SPAG9: variants seen among roughly 807,000 people sequenced by gnomAD.
SPAG9 encodes sperm associated antigen 9, also known as C-Jun-amino-terminal kinase-interacting protein 4.
A neutral mutation model predicts 166.5 loss-of-function variants in SPAG9; 35 were observed. The ratio of observed to expected loss-of-function variants is 0.21; its 90% CI spans 0.16 to 0.28. SPAG9 has a LOEUF of 0.28. Among genes scored for constraint, SPAG9 ranks in the 10% least tolerant of loss-of-function variants. SPAG9 has a pLI of 1.00. For synonymous variants in SPAG9, 534 were observed against 565.5 expected (o/e 0.94, Z 0.79); for missense variants, 1,235 against 1,603.3 (o/e 0.77, Z 3.92).
Position 51,072,218 on chromosome 17 carries a change from T to C in SPAG9, c.424+7366A>G, listed in dbSNP as rs200741076. Among the ~76,000 whole-genome samples, 162 of 102,412 alleles carry C rather than the reference T, an allele frequency of 1.6e-3. No homozygotes were observed. In the East Asian group the frequency reaches 0.027, roughly 17 times the overall value. 67.2% of individuals were successfully genotyped at this position (102,412 alleles called of 152,430 possible). The stretch of plus-strand genomic sequence containing the variant: ...TTCCAAGTAGGTGGGATTACAGGCA[T>C]GCGCCACCACACCTGGCTAATTTTT... On this transcript the variant is annotated intron_variant, in intron 2 of 29. Coordinates refer to ENST00000262013, the MANE Select transcript of SPAG9 (RefSeq NM_001130528.3).
At chr17:51,047,024 A>G in intron 4 of SPAG9, 1 of 1,085,342 alleles carries the variant, frequency 9.2e-7, no homozygotes, top group South Asian at 1.7e-5. Context: ...CCTTTCAAAC[A>G]TGCCTCTCTG....
At chr17:51,056,901 T>G (rs984614754) in intron 2 of SPAG9, among the ~76,000 whole-genome samples, 1 of 152,206 alleles carries the variant, frequency 6.6e-6, no homozygotes, top group African/African-American at 2.4e-5. Context: ...GCTTCAGGTC[T>G]CCTCAATTTC....
At chr17:51,004,075 G>C (rs1418136154) in intron 12 of SPAG9, among the ~76,000 whole-genome samples, 2 of 152,206 alleles carry the variant, frequency 1.3e-5, no homozygotes, top group Admixed American at 1.3e-4. Context: ...CTGAGGAAAA[G>C]AAGCTGGTCT....
intron 5 of SPAG9, chr17:51,040,328 A>T (rs2046790084): frequency 6.6e-6 from 1 of 152,110 alleles, no homozygotes; most frequent in African/African-American, 2.4e-5. Context: ...ATTAGCTTCT[A>T]ACAAATTGGG....
At chr17:51,045,132 C>T (rs2046973547) in intron 4 of SPAG9, among the ~76,000 whole-genome samples, 1 of 152,172 alleles carries the variant, frequency 6.6e-6, no homozygotes, top group African/African-American at 2.4e-5. Flanking sequence ...CTTGCCAAAG[C>T]TCCTACGGCC....
intron 28 of SPAG9, among the ~76,000 whole-genome samples, chr17:50,973,025 G>C (rs2143615883): frequency 6.6e-6 from 1 of 152,266 alleles, no homozygotes; most frequent in East Asian, 1.9e-4. Flanking sequence ...GAAGCCTAGA[G>C]GTCCATCAAC....
chr17:51,106,846 G>A (rs2048964423), intron 1 of SPAG9, among the ~76,000 whole-genome samples: 1 of 151,874 alleles, frequency 6.6e-6, no homozygotes, highest in Non-Finnish European at 1.5e-5. Context: ...GCTCACGCCT[G>A]TAATCCTAGC....
intron 9 of SPAG9, chr17:51,009,030 T>C (rs1405756543): frequency 8.1e-6 from 3 of 370,692 alleles, no homozygotes; most frequent in East Asian, 1.6e-4. Flanking sequence ...AAAAAAATAG[T>C]TGAGCAGAAA....
chr17:51,116,100 C>G (rs551510841), intron 1 of SPAG9, among the ~76,000 whole-genome samples: 2 of 151,952 alleles, frequency 1.3e-5, no homozygotes, highest in African/African-American at 2.4e-5. Flanking sequence ...GGCTGGAGTA[C>G]AGAGGCACGA....
chr17:51,022,327 T>C (rs2045972787), intron 6 of SPAG9, among the ~76,000 whole-genome samples: 1 of 152,026 alleles, frequency 6.6e-6, no homozygotes, highest in African/African-American at 2.4e-5. Context: ...GCAGTGAGAA[T>C]AGGTCATCTA....
intron 3 of SPAG9, among the ~76,000 whole-genome samples, chr17:51,054,487 A>G (rs2047304528): frequency 6.7e-6 from 1 of 149,250 alleles, no homozygotes; most frequent in African/African-American, 2.5e-5. Flanking sequence ...CCCAGGCTGG[A>G]GTGCAGTGGC....
chr17:51,107,890 G>A (rs1172155016), intron 1 of SPAG9, among the ~76,000 whole-genome samples: 5 of 151,478 alleles, frequency 3.3e-5, no homozygotes. Flanking sequence ...TCTCCAGCCT[G>A]GGCAATAGCA....
At position 50,977,181 on chromosome 17, in the gene SPAG9, A is replaced by T; in HGVS notation, c.3450T>A (p.Ala1150=). 6.2e-7 allele frequency: 1 copy of T among 1,613,820 alleles called. No homozygotes were observed. Among genetic ancestry groups the T allele is most frequent in the Non-Finnish European group, 8.5e-7 (1 of 1,179,798 alleles). The change falls in exon 27 of 30, where the codon GCT becomes GCA. Residue 1150 remains alanine, a synonymous_variant. Transcript: ENST00000262013. ...ACAAACGATTACAAGACACCATAAG[A>T]GCTGTAATTCTCACAAAAGAGAAGC... ...KLGFSFVRIT[A]LMVSCNRLWV... is the part of the protein sequence containing the mutation.
intron 3 of SPAG9, among the ~76,000 whole-genome samples, chr17:51,049,729 T>A (rs2047130381): frequency 6.6e-6 from 1 of 152,108 alleles, no homozygotes; most frequent in Non-Finnish European, 1.5e-5. Flanking sequence ...CCCAAGTAGC[T>A]GGGTACTACA....
chr17:51,025,470 A>T (rs62688060), intron 6 of SPAG9, among the ~76,000 whole-genome samples: 2 of 46,162 alleles, frequency 4.3e-5, no homozygotes, highest in Non-Finnish European at 1.3e-4. Flanking sequence ...AGTATTAATT[A>T]AAAAAAAAAA....
chr17:51,020,532 AAAGAT>A (rs1464258417), intron 7 of SPAG9, among the ~76,000 whole-genome samples: 1 of 152,198 alleles, frequency 6.6e-6, no homozygotes, highest in Non-Finnish European at 1.5e-5. Context: ...TTCTTATTTA[AAAGAT>A]GGAATTTAAA....
intron 6 of SPAG9, among the ~76,000 whole-genome samples, chr17:51,026,341 A>AAAAAAAAC (rs2046172224): frequency 6.6e-6 from 1 of 151,722 alleles, no homozygotes. Context: ...AAAAAAAAAA[A>AAAAAAAAC]AAAATAACCA....
At chr17:51,090,048 C>T (rs920807622) in intron 1 of SPAG9, among the ~76,000 whole-genome samples, 3 of 151,864 alleles carry the variant, frequency 2.0e-5, no homozygotes, top group Non-Finnish European at 4.4e-5. Flanking sequence ...TGCCTAAAAC[C>T]TTTACTGAGA....
At chr17:51,109,240 T>C (rs1381956026) in intron 1 of SPAG9, among the ~76,000 whole-genome samples, 1 of 152,012 alleles carries the variant, frequency 6.6e-6, no homozygotes, top group African/African-American at 2.4e-5. Flanking sequence ...TTTTTCTTTT[T>C]CTTTTTTCTT....
Sources: allele counts gnomAD v4.1 joint callset (sites outside exome capture counted in the v4.1 genomes callset), GRCh38; gene constraint gnomAD v4.1.1; transcripts MANE v1.5; gene names NCBI Gene and HGNC (gene_info 2026-07-23, HGNC 2026-07-21).